Variants in AFG2A observed in about 807,000 individuals in gnomAD.
AFG2A encodes AAA ATPase AFG2A, also known as ATPase family gene 2 protein homolog A.
At chr4:123,193,023 C>T in the AFG2A span, among the ~76,000 whole-genome samples, 2 of 152,174 alleles carry the variant, frequency 1.3e-5, no homozygotes, top group Non-Finnish European at 2.9e-5. Flanking sequence ...GTTTTGCTTG[C>T]TCGATCATCA....
the AFG2A span, among the ~76,000 whole-genome samples, chr4:123,280,012 A>G: frequency 6.6e-6 from 1 of 152,222 alleles, no homozygotes; most frequent in Non-Finnish European, 1.5e-5. Context: ...AGAGCCATAC[A>G]TATTGCAGAG....
At chr4:123,080,098 C>T in the AFG2A span, among the ~76,000 whole-genome samples, 1 of 152,102 alleles carries the variant, frequency 6.6e-6, no homozygotes, top group African/African-American at 2.4e-5. Context: ...GGTTTCCTTT[C>T]TTCTTCTCTG....
At chr4:123,173,340 GTTTTTTTTTTTTTTTTT>G in the AFG2A span, among the ~76,000 whole-genome samples, 9 of 70,304 alleles carry the variant, frequency 1.3e-4, no homozygotes, top group South Asian at 3.4e-3. Flanking sequence ...AAGTCCAATG[GTTTTTTTTTTTTTTTTT>G]TTTTTTTTTT....
the AFG2A span, among the ~76,000 whole-genome samples, chr4:123,309,530 A>G: frequency 6.6e-6 from 1 of 152,228 alleles, no homozygotes; most frequent in Non-Finnish European, 1.5e-5. Flanking sequence ...TTTTGGAGAA[A>G]AACATTCAGA....
At chr4:123,311,312 C>T in the AFG2A span, among the ~76,000 whole-genome samples, 31 of 152,060 alleles carry the variant, frequency 2.0e-4, no homozygotes, top group African/African-American at 7.5e-4. Flanking sequence ...CACAAAACAA[C>T]AACTTATAGC....
At chr4:123,144,481 G>A in the AFG2A span, among the ~76,000 whole-genome samples, 1 of 151,984 alleles carries the variant, frequency 6.6e-6, no homozygotes, top group Non-Finnish European at 1.5e-5. Flanking sequence ...ACTGACCTGG[G>A]TGCCAGATGC....
the AFG2A span, among the ~76,000 whole-genome samples, chr4:123,234,686 TC>T: frequency 6.6e-6 from 1 of 152,112 alleles, no homozygotes; most frequent in Non-Finnish European, 1.5e-5. Context: ...ATTATTCTTA[TC>T]CCCATAACTG....
the AFG2A span, among the ~76,000 whole-genome samples, chr4:123,088,148 T>G: frequency 6.6e-6 from 1 of 152,218 alleles, no homozygotes; most frequent in African/African-American, 2.4e-5. Context: ...TTTACTGTTA[T>G]GCTGAGCCAT....
chr4:123,303,843 G>A, the AFG2A span, among the ~76,000 whole-genome samples: 2 of 151,082 alleles, frequency 1.3e-5, no homozygotes, highest in Non-Finnish European at 2.9e-5. Flanking sequence ...ATGTCATTAA[G>A]CTTTGAGTGT....
chr4:123,237,490 T>G, the AFG2A span, among the ~76,000 whole-genome samples: 1 of 151,876 alleles, frequency 6.6e-6, no homozygotes, highest in Non-Finnish European at 1.5e-5. Flanking sequence ...CTGGCCAACA[T>G]GGTGAAACTG....
At chr4:123,276,670 G>A in the AFG2A span, among the ~76,000 whole-genome samples, 1,325 of 152,188 alleles carry the variant, frequency 8.7e-3, 26 homozygotes, top group African/African-American at 0.03. Flanking sequence ...ATGATGTAAC[G>A]AAGGGGTCTA....
chr4:123,159,919 G>A, the AFG2A span, among the ~76,000 whole-genome samples: 3 of 152,108 alleles, frequency 2.0e-5, no homozygotes, highest in African/African-American at 7.2e-5. Context: ...TATTTTTTAG[G>A]CAACAGTGGG....
the AFG2A span, among the ~76,000 whole-genome samples, chr4:123,060,960 G>A: frequency 1.3e-5 from 2 of 152,050 alleles, no homozygotes; most frequent in Non-Finnish European, 2.9e-5. Flanking sequence ...CAGATCTCTA[G>A]GGCAGGGACA....
chr4:123,201,061 T>G, the AFG2A span, among the ~76,000 whole-genome samples: 57 of 152,360 alleles, frequency 3.7e-4, no homozygotes, highest in East Asian at 6.5e-3. Context: ...TGTTTGAAAT[T>G]TAACCTTCCT....
chr4:122,961,903 T>A, the AFG2A span, among the ~76,000 whole-genome samples: 242 of 152,340 alleles, frequency 1.6e-3, 2 homozygotes, highest in African/African-American at 5.6e-3. Context: ...AATTGATGTA[T>A]ATGTCATGAT....
the AFG2A span, among the ~76,000 whole-genome samples, chr4:123,025,734 C>T: frequency 6.6e-5 from 10 of 152,042 alleles, no homozygotes; most frequent in African/African-American, 1.9e-4. Flanking sequence ...TCCCTGCAAA[C>T]GTTGTTGTAT....
At chr4:123,287,506 C>T in the AFG2A span, among the ~76,000 whole-genome samples, 1 of 152,150 alleles carries the variant, frequency 6.6e-6, no homozygotes, top group East Asian at 1.9e-4. Context: ...ATTCCACATT[C>T]GGTTAAAAAC....
the AFG2A span, among the ~76,000 whole-genome samples, chr4:123,143,858 G>C: frequency 7.0e-6 from 1 of 142,760 alleles, no homozygotes; most frequent in African/African-American, 2.6e-5. Flanking sequence ...CCTTTAACCT[G>C]AAAGGACATT....
the AFG2A span, chr4:122,927,689 C>T: frequency 6.2e-7 from 1 of 1,613,048 alleles, no homozygotes; most frequent in Non-Finnish European, 8.5e-7. Context: ...TTGGACTCAA[C>T]ACTATGAAGT....
Sources: gnomAD v4.1 joint callset for allele counts (sites outside exome capture counted in the v4.1 genomes callset) on GRCh38, gnomAD v4.1.1 for gene constraint, MANE v1.5 for transcripts, NCBI Gene and HGNC (gene_info 2026-07-23, HGNC 2026-07-21) for gene names.